The following LONP2 variants were observed in gnomAD, a reference collection of about 807,000 sequenced individuals.
The protein encoded by LONP2 is lon protease homolog 2, peroxisomal.
In LONP2, 60 loss-of-function variants were observed where a neutral mutation model predicts 85.6. The ratio of observed to expected loss-of-function variants is 0.70; its 90% CI spans 0.57 to 0.87. LONP2 has a LOEUF of 0.87. Among genes scored for constraint, LONP2 ranks in the 40% least tolerant of loss-of-function variants. The pLI, the probability that LONP2 is intolerant of heterozygous loss-of-function variation, is 0.00. For missense variants in LONP2, 860 were observed against 1,063.5 expected, an observed-to-expected ratio of 0.81 and a Z score of 2.66; for synonymous variants, 395 against 389.7, an observed-to-expected ratio of 1.01 and a Z score of -0.16.
chr16:48,295,066 C>T (rs1359300322), intron 8 of LONP2, among the ~76,000 whole-genome samples: 1 of 152,152 alleles, frequency 6.6e-6, no homozygotes, highest in Admixed American at 6.5e-5. Context: ...TCCAAGTTGA[C>T]TGATAAATTA....
At chr16:48,255,829 C>T (rs1303190953) in intron 2 of LONP2, among the ~76,000 whole-genome samples, 1 of 152,122 alleles carries the variant, frequency 6.6e-6, no homozygotes, top group Non-Finnish European at 1.5e-5. Context: ...CTTTGCCTTC[C>T]TCCATGATTG....
At chr16:48,322,381 A>G (rs1973284128) in intron 11 of LONP2, among the ~76,000 whole-genome samples, 1 of 151,126 alleles carries the variant, frequency 6.6e-6, no homozygotes, top group Non-Finnish European at 1.5e-5. Flanking sequence ...ACACAGACAC[A>G]CATTAGCCCA....
At chr16:48,245,490 G>A (rs983066358) in intron 1 of LONP2, among the ~76,000 whole-genome samples, 3 of 152,168 alleles carry the variant, frequency 2.0e-5, no homozygotes, top group African/African-American at 7.2e-5. Context: ...TGACTTTGCT[G>A]TCCAGTACTG....
At chr16:48,358,232 CATG>C (rs1960447208), downstream of LONP2, among the ~76,000 whole-genome samples, 2 of 152,228 alleles carry the variant, frequency 1.3e-5, no homozygotes, top group African/African-American at 4.8e-5. Context: ...ATTAGCAAAA[CATG>C]AGGTGAAAAT....
chr16:48,270,116 G>C lies in LONP2; in HGVS notation c.1083G>C (p.Gln361His), dbSNP rs770209627. Residue 361 changes from glutamine (Q) to histidine (H), a missense_variant, in exon 7 of 15, where the codon CAG becomes CAC. By Grantham distance (24) the Gln-to-His change is conservative (BLOSUM62 0). Coordinates refer to ENST00000285737, the MANE Select transcript of LONP2 (RefSeq NM_031490.5). ...TACTGGAATACTTGGCTGTCAGACA[G>C]CTCAAAAATAACCTGAAGGGCCCAA... ...KRVLEYLAVR[Q>H]LKNNLKGPIL... 8.7e-6 allele frequency: 14 copies of C among 1,614,052 alleles called. No homozygotes were observed. Among genetic ancestry groups the C allele is most frequent in the Non-Finnish European group, 1.2e-5 (14 of 1,179,972 alleles).
chr16:48,319,477 C>G (rs893597145), intron 11 of LONP2, among the ~76,000 whole-genome samples: 1 of 152,094 alleles, frequency 6.6e-6, no homozygotes, highest in African/African-American at 2.4e-5. Flanking sequence ...ACAGGATCTT[C>G]CTATCTTTTG....
chr16:48,346,254 A>T (rs11076564), intron 12 of LONP2, among the ~76,000 whole-genome samples: 12,248 of 152,228 alleles, frequency 0.08, 531 homozygotes, highest in Middle Eastern at 0.11. Context: ...TCCTGTTTGG[A>T]TTAGTGCTTA....
chr16:48,304,914 A>G (rs1265372007), intron 11 of LONP2, among the ~76,000 whole-genome samples: 1 of 152,222 alleles, frequency 6.6e-6, no homozygotes, highest in Non-Finnish European at 1.5e-5. Context: ...AAGGAGTTGG[A>G]TGACTGTGAT....
At chr16:48,296,773 T>G (rs1000733947) in intron 9 of LONP2, among the ~76,000 whole-genome samples, 2 of 151,386 alleles carry the variant, frequency 1.3e-5, no homozygotes, top group African/African-American at 4.9e-5. Context: ...AAATCTGGCC[T>G]CACTTTTATA....
intron 12 of LONP2, among the ~76,000 whole-genome samples, chr16:48,338,562 TGAG>T (rs1377027422): frequency 1.3e-5 from 2 of 151,940 alleles, no homozygotes; most frequent in East Asian, 3.9e-4. Flanking sequence ...GGGAGGGAGA[TGAG>T]GAGAGAGTGT....
chr16:48,348,611 A>G (rs8052293), intron 14 of LONP2, among the ~76,000 whole-genome samples: 130,241 of 151,286 alleles, frequency 0.86, 57,961 homozygotes, highest in African/African-American at 0.97. Flanking sequence ...CCTCCTGTCT[A>G]TCTCCCGAAT....
intron 11 of LONP2, among the ~76,000 whole-genome samples, chr16:48,315,325 G>A (rs968909780): frequency 6.6e-6 from 1 of 152,128 alleles, no homozygotes; most frequent in Non-Finnish European, 1.5e-5. Flanking sequence ...CTGACAGTTC[G>A]TTCTGTGTTG....
Position 48,353,743 on chromosome 16 carries a change from C to T in LONP2, c.*1941C>T, listed in dbSNP as rs958481664. The T allele has an allele frequency of 2.0e-5, 3 of 151,980 alleles. No individual in the cohort carries two copies. Among genetic ancestry groups the T allele is most frequent in the African/African-American group, 4.8e-5 (2 of 41,374 alleles). 9.4% of individuals were successfully genotyped at this position (151,980 alleles called of 1,614,324 possible). ...AAACTGTGAATTCACTTTCAGCAAC[C>T]AGAGGGCGCTAATCCACACCCACAT... On this transcript the variant is annotated 3_prime_UTR_variant, in exon 15 of 15. Coordinates refer to ENST00000285737, the MANE Select transcript of LONP2 (RefSeq NM_031490.5).
downstream of LONP2, chr16:48,361,709 A>G (rs1567366284): frequency 6.2e-7 from 1 of 1,614,212 alleles, no homozygotes; most frequent in Admixed American, 1.7e-5. Flanking sequence ...GAATAGATCG[A>G]GGAGTCGCTT....
rs1304867644 is a variant in LONP2 at position 48,362,845 on chromosome 16, G to C, written c.*982G>C. The C allele has an allele frequency of 5.2e-6, 1 of 193,022 alleles. No homozygotes were observed. The highest frequency in any genetic ancestry group is 1.2e-5 in the Non-Finnish European group (1 of 84,308). The allele number at this position is 193,022 out of a possible 1,614,324, so 12.0% of individuals were successfully genotyped here. A position where few individuals can be genotyped will look rare whatever the true frequency, so the allele number is the denominator to read the frequency against. ...TCTTTCTAATTTGGAGTCAGCTGTT[G>C]ATAGGTACAGGGAGTTACAGGTGAA... On this transcript the variant is annotated 3_prime_UTR_variant, in exon 5 of 5. Transcript: ENST00000565867. This position sits in a 1 kb window ranked among gnomAD's most constrained non-coding sequence, Gnocchi z 4.2.
chr16:48,251,033 A>G (rs16946020), intron 1 of LONP2, among the ~76,000 whole-genome samples: 1,863 of 152,362 alleles, frequency 0.012, 39 homozygotes, highest in African/African-American at 0.042. Flanking sequence ...TTCAGAATAA[A>G]CTGAGTGGCA....
chr16:48,269,537 C>T (rs552807121), intron 6 of LONP2, among the ~76,000 whole-genome samples: 6 of 152,186 alleles, frequency 3.9e-5, no homozygotes, highest in South Asian at 2.1e-4. Context: ...TGTAAATGCA[C>T]GCACACAGCC....
intron 14 of LONP2, among the ~76,000 whole-genome samples, chr16:48,351,368 CAG>C (rs1247583276): frequency 3.3e-5 from 5 of 152,174 alleles, no homozygotes; most frequent in African/African-American, 1.2e-4. Context: ...TCCCCCTCAT[CAG>C]AGTCTTTAAT....
intron 11 of LONP2, among the ~76,000 whole-genome samples, chr16:48,331,318 G>C (rs1364591520): frequency 6.6e-6 from 1 of 152,138 alleles, no homozygotes; most frequent in Non-Finnish European, 1.5e-5. Flanking sequence ...ACCGGAAAAA[G>C]AGCAGCAAGC....
Sources: allele counts gnomAD v4.1 joint callset (sites outside exome capture counted in the v4.1 genomes callset), GRCh38; gene constraint gnomAD v4.1.1; non-coding constraint Gnocchi (gnomAD v3.1); transcripts MANE v1.5; gene names NCBI Gene and HGNC (gene_info 2026-07-23, HGNC 2026-07-21).